MICAL3: variants seen among roughly 807,000 people sequenced by gnomAD.
The protein encoded by MICAL3 is microtubule associated monooxygenase, calponin and LIM domain containing 3.
Under a neutral mutation model 207.4 loss-of-function variants are expected in MICAL3, and 62 were observed. The ratio of observed to expected loss-of-function variants is 0.30; its 90% confidence interval spans 0.24 to 0.37. The LOEUF (loss-of-function observed/expected upper bound fraction) is 0.37, where lower values mean the gene tolerates loss of function less well. MICAL3 is among the 10% of genes least tolerant of loss of function. The pLI, the probability that MICAL3 is intolerant of heterozygous loss-of-function variation, is 1.00. For missense variants in MICAL3, 2,368 were observed against 2,635.6 expected, an observed-to-expected ratio of 0.90 and a Z score of 2.22; for synonymous variants, 1,077 against 1,069.3, an observed-to-expected ratio of 1.01 and a Z score of -0.14.
chr22:17,917,690 T>C (rs530692616), intron 1 of MICAL3, among the ~76,000 whole-genome samples: 21 of 152,284 alleles, frequency 1.4e-4, no homozygotes, highest in Middle Eastern at 3.4e-3. Flanking sequence ...CCCAGCCACA[T>C]GGCCTCTCTC....
chr22:17,835,080 A>G (rs1246818531), intron 20 of MICAL3, among the ~76,000 whole-genome samples: 1 of 152,246 alleles, frequency 6.6e-6, no homozygotes, highest in African/African-American at 2.4e-5. Context: ...ATAGCTGCAC[A>G]GGCACAATGT....
At chr22:17,987,044 C>G (rs1440583150) in intron 1 of MICAL3, among the ~76,000 whole-genome samples, 1 of 151,916 alleles carries the variant, frequency 6.6e-6, no homozygotes, top group East Asian at 1.9e-4. Flanking sequence ...TCGAGGCCAG[C>G]CTGGGCAACA....
chr22:17,963,264 C>T (rs1934998401), intron 1 of MICAL3, among the ~76,000 whole-genome samples: 1 of 152,042 alleles, frequency 6.6e-6, no homozygotes, highest in South Asian at 2.1e-4. Flanking sequence ...AGGCATGTGT[C>T]ATCACGCCTG....
At chr22:17,826,516 AC>A (rs1171411784) in intron 22 of MICAL3, 2 of 985,792 alleles carry the variant, frequency 2.0e-6, no homozygotes, top group African/African-American at 3.5e-5. Flanking sequence ...AAGGTCGGGC[AC>A]TGAATTTAAA....
At position 17,955,004 on chromosome 22, in the gene MICAL3, G is replaced by A. The variant is rs567962466; in HGVS notation, c.-74-48118C>T. Among the ~76,000 whole-genome samples, 56 of 152,294 alleles carry A rather than the reference G, an allele frequency of 3.7e-4. 1 individual carries two copies. The South Asian group carries it at 9.1e-3, about 25-fold the overall frequency. On this transcript the variant is annotated intron_variant, in intron 1 of 31. Coordinates refer to ENST00000441493, the MANE Select transcript of MICAL3 (RefSeq NM_015241.3). The stretch of plus-strand genomic sequence containing the variant: ...CTCGCAAAATGCTGGGATTACAGGC[G>A]TGAGCCACTGCACCCAGCTTCAAGT...
intron 1 of MICAL3, among the ~76,000 whole-genome samples, chr22:17,990,950 T>C (rs978945598): frequency 1.3e-5 from 2 of 152,240 alleles, no homozygotes; most frequent in African/African-American, 4.8e-5. Flanking sequence ...TGCCTGCCTG[T>C]GCCTAAGCAT....
intron 19 of MICAL3, among the ~76,000 whole-genome samples, chr22:17,849,006 C>T (rs752871444): frequency 1.6e-4 from 24 of 152,234 alleles, no homozygotes; most frequent in African/African-American, 3.9e-4. Context: ...TATCCCCACA[C>T]GCTGCCCTCC....
At chr22:17,981,845 T>C (rs9605479) in intron 1 of MICAL3, among the ~76,000 whole-genome samples, 40,957 of 152,084 alleles carry the variant, frequency 0.27, 5,979 homozygotes, top group African/African-American at 0.37. Flanking sequence ...CCTTAAGAGA[T>C]GGGTGAGGTA....
At chr22:17,833,325 C>CG (rs1923018273) in intron 20 of MICAL3, among the ~76,000 whole-genome samples, 3 of 152,052 alleles carry the variant, frequency 2.0e-5, no homozygotes, top group Admixed American at 2.0e-4. Context: ...AGTGAGAGGC[C>CG]GGGGGAAATC....
Position 17,789,231 on chromosome 22 carries a change from A to C in MICAL3, c.*1501T>G, listed in dbSNP as rs2061807640. ...ATCTGCTTGAGAGGCACCAGCCTGC[A>C]TCCCAGCATCCACTGCAGCACTCGC... On this transcript the variant is annotated 3_prime_UTR_variant, in exon 32 of 32. Coordinates refer to ENST00000441493, the MANE Select transcript of MICAL3 (RefSeq NM_015241.3). 6.6e-6 allele frequency: 1 copy of C among 152,252 alleles called. No individual in the cohort carries two copies. The allele number at this position is 152,252 out of a possible 1,614,324, so 9.4% of individuals were successfully genotyped here.
At chr22:17,811,078 C>A in intron 27 of MICAL3, 1 of 422,526 alleles carries the variant, frequency 2.4e-6, no homozygotes, top group Non-Finnish European at 4.4e-6. Context: ...TGAGACATTT[C>A]CCCACCTCTG....
intron 11 of MICAL3, among the ~76,000 whole-genome samples, chr22:17,893,203 T>G (rs1930522663): frequency 6.6e-6 from 1 of 152,156 alleles, no homozygotes; most frequent in Non-Finnish European, 1.5e-5. Context: ...GGCCCAGATC[T>G]GGGCCTCCAC....
At chr22:17,887,148 C>A (rs1364139559) in intron 15 of MICAL3, 22 bp downstream of exon 15, 1 of 1,602,886 alleles carries the variant, frequency 6.2e-7, no homozygotes, top group Non-Finnish European at 8.5e-7. Flanking sequence ...ACCATTCTAG[C>A]AATTCCCCAA....
chr22:17,978,383 G>A (rs1569154932), intron 1 of MICAL3, among the ~76,000 whole-genome samples: 1 of 152,232 alleles, frequency 6.6e-6, no homozygotes, highest in Non-Finnish European at 1.5e-5. Flanking sequence ...TGGCTCAGGA[G>A]AGGGGCTGGA....
intron 1 of MICAL3, among the ~76,000 whole-genome samples, chr22:17,961,536 T>C (rs928514261): frequency 2.6e-5 from 4 of 151,696 alleles, no homozygotes; most frequent in Non-Finnish European, 5.9e-5. Flanking sequence ...AAGGGGCACA[T>C]AGTCTCACAC....
In MICAL3 at chr22:17,862,501, C is replaced by T. The variant is rs1270190521; in HGVS notation, c.2605+2398G>A. On this transcript the variant is annotated intron_variant, in intron 19 of 31. Transcript: ENST00000441493. ...GGTCTCGATCTCCTGACCTCGTGAT[C>T]TGCCCGCCTCGGCCTCCCAAAGTGC... 4 of 769,102 alleles carry T rather than the reference C, an allele frequency of 5.2e-6. No homozygotes were observed. In the African/African-American group the frequency reaches 7.5e-5, roughly 15 times the overall value. The allele number at this position is 769,102 out of a possible 1,614,324, so 47.6% of individuals were successfully genotyped here. A position where few individuals can be genotyped will look rare whatever the true frequency, so the allele number is the denominator to read the frequency against.
chr22:17,797,894 C>A (rs1235230781), intron 29 of MICAL3, among the ~76,000 whole-genome samples: 2 of 152,246 alleles, frequency 1.3e-5, no homozygotes, highest in Non-Finnish European at 2.9e-5. Context: ...GACAACTGGC[C>A]CCGGGGACCT....
In MICAL3 at chr22:17,865,906, C is replaced by G; in HGVS notation, c.2517+18G>C. On this transcript the variant is annotated intron_variant, in intron 18 of 31. Transcript: ENST00000441493. ...ACACCCACTGCTTCTCCCCCACTTA[C>G]AGGAGAGTCACCATTACCTTTCCAG... is the stretch of plus-strand genomic sequence containing the variant. 2 of 1,601,218 alleles carry G rather than the reference C, an allele frequency of 1.2e-6. No individual in the cohort carries two copies. Among genetic ancestry groups the G allele is most frequent in the Non-Finnish European group, 1.7e-6 (2 of 1,168,284 alleles).
chr22:17,995,680 T>C (rs1211019334), intron 1 of MICAL3, among the ~76,000 whole-genome samples: 1 of 151,908 alleles, frequency 6.6e-6, no homozygotes, highest in Non-Finnish European at 1.5e-5. Flanking sequence ...CTATTTTTTG[T>C]ATTTTTTTTG....
Sources: allele counts gnomAD v4.1 joint callset (sites outside exome capture counted in the v4.1 genomes callset), GRCh38; gene constraint gnomAD v4.1.1; transcripts MANE v1.5; gene names NCBI Gene and HGNC (gene_info 2026-07-23, HGNC 2026-07-21).